Variants in PRIM2 observed in about 807,000 individuals in gnomAD.
PRIM2 encodes the protein DNA primase large subunit.
Under a neutral mutation model 67.3 loss-of-function variants are expected in PRIM2, and 39 were observed. That is an observed-to-expected ratio of 0.58 (90% CI 0.45 to 0.76). The LOEUF (loss-of-function observed/expected upper bound fraction) is 0.76, where lower values mean the gene tolerates loss of function less well. Among genes scored for constraint, PRIM2 ranks in the 30% least tolerant of loss-of-function variants. The probability of loss-of-function intolerance (pLI) is 0.00; values close to 1 mark genes in which losing one functional copy is unlikely to be tolerated. For synonymous variants in PRIM2, 143 were observed against 198.7 expected, an observed-to-expected ratio of 0.72 and a Z score of 2.36; for missense variants, 398 against 598.7, an observed-to-expected ratio of 0.66 and a Z score of 3.50.
chr6:57,235,427 G>A, the PRIM2 span, among the ~76,000 whole-genome samples: 1 of 151,118 alleles, frequency 6.6e-6, no homozygotes, highest in South Asian at 2.1e-4. Flanking sequence ...TCGCGCCACT[G>A]CGCTCCAGCC....
At chr6:57,392,769 G>T (rs1004723476) in intron 7 of PRIM2, among the ~76,000 whole-genome samples, 2 of 151,814 alleles carry the variant, frequency 1.3e-5, no homozygotes, top group African/African-American at 4.8e-5. Context: ...GATTTTTGGT[G>T]TACCCATCAC....
At chr6:57,222,896 C>G in the PRIM2 span, among the ~76,000 whole-genome samples, 1 of 152,210 alleles carries the variant, frequency 6.6e-6, no homozygotes, top group Non-Finnish European at 1.5e-5. Flanking sequence ...CAGTTTGGGA[C>G]TGTCTGCAAA....
At chr6:57,548,165 A>G (rs1347170919) in intron 10 of PRIM2, among the ~76,000 whole-genome samples, 1 of 152,158 alleles carries the variant, frequency 6.6e-6, no homozygotes, top group East Asian at 1.9e-4. Flanking sequence ...AGAGAAATTT[A>G]TTTCTTCTAG....
At chr6:57,289,993 TA>T in the PRIM2 span, among the ~76,000 whole-genome samples, 1 of 152,128 alleles carries the variant, frequency 6.6e-6, no homozygotes, top group Non-Finnish European at 1.5e-5. Flanking sequence ...ATGTCCCAGT[TA>T]AAAGACACAG....
At chr6:57,574,095 C>T (rs1374679938) in intron 10 of PRIM2, among the ~76,000 whole-genome samples, 3 of 152,000 alleles carry the variant, frequency 2.0e-5, no homozygotes, top group South Asian at 4.2e-4. Context: ...CACCAGCCTC[C>T]GATTGGCCAT....
intron 7 of PRIM2, among the ~76,000 whole-genome samples, chr6:57,486,898 A>G (rs1773766342): frequency 6.6e-6 from 1 of 152,186 alleles, no homozygotes; most frequent in African/African-American, 2.4e-5. Flanking sequence ...TTTTCCCCTT[A>G]CATAGAGTGT....
chr6:57,507,357 G>C, intron 7 of PRIM2, 30 bp from the exon 8 acceptor site: 2 of 1,459,006 alleles, frequency 1.4e-6, no homozygotes, highest in South Asian at 1.3e-5. Context: ...GGCCTTTGCT[G>C]TTTTTACTAA....
intron 5 of PRIM2, among the ~76,000 whole-genome samples, chr6:57,358,602 A>G (rs1420100481): frequency 6.6e-6 from 1 of 152,206 alleles, no homozygotes; most frequent in Non-Finnish European, 1.5e-5. Flanking sequence ...ACAGTTATTC[A>G]ATGTAATTGA....
chr6:57,355,532 C>T (rs1311179860), intron 5 of PRIM2, among the ~76,000 whole-genome samples: 1 of 152,166 alleles, frequency 6.6e-6, no homozygotes, highest in Non-Finnish European at 1.5e-5. Context: ...CCTTTGTATT[C>T]TCCCTGGCTT....
intron 7 of PRIM2, among the ~76,000 whole-genome samples, chr6:57,491,578 C>G (rs1554345966): frequency 2.0e-5 from 3 of 152,050 alleles, no homozygotes; most frequent in African/African-American, 7.2e-5. Flanking sequence ...TTTTTAGAAA[C>G]GTGCTTTTAC....
chr6:57,333,669 C>G (rs1201752844), intron 5 of PRIM2, among the ~76,000 whole-genome samples: 1 of 151,912 alleles, frequency 6.6e-6, no homozygotes, highest in Non-Finnish European at 1.5e-5. Context: ...TCTTTTCGGT[C>G]CTGACATTCA....
At chr6:57,359,305 C>T (rs1769123945) in intron 5 of PRIM2, among the ~76,000 whole-genome samples, 1 of 152,198 alleles carries the variant, frequency 6.6e-6, no homozygotes, top group African/African-American at 2.4e-5. Flanking sequence ...TGAAACCTGG[C>T]AGTAACTAGT....
At chr6:57,620,965 A>C (rs1776842035) in intron 12 of PRIM2, among the ~76,000 whole-genome samples, 1 of 152,262 alleles carries the variant, frequency 6.6e-6, no homozygotes, top group African/African-American at 2.4e-5. Flanking sequence ...TTAAAGCAAC[A>C]GCATTACAGG....
intron 5 of PRIM2, among the ~76,000 whole-genome samples, chr6:57,371,670 T>G (rs1372830575): frequency 6.6e-6 from 1 of 152,230 alleles, no homozygotes; most frequent in Non-Finnish European, 1.5e-5. Context: ...TGGGAAAATT[T>G]GAAATATATT....
the PRIM2 span, among the ~76,000 whole-genome samples, chr6:57,281,265 G>C: frequency 6.6e-6 from 1 of 152,152 alleles, no homozygotes; most frequent in African/African-American, 2.4e-5. Flanking sequence ...AAACATAGGA[G>C]TGCAGATATC....
chr6:57,314,393 G>A (rs996868517), upstream of PRIM2, among the ~76,000 whole-genome samples: 2 of 152,224 alleles, frequency 1.3e-5, no homozygotes, highest in African/African-American at 4.8e-5. Context: ...GCAGGCGCCT[G>A]TAATCCCAGC....
chr6:57,343,537 G>A (rs980285027), intron 5 of PRIM2, among the ~76,000 whole-genome samples: 3 of 152,198 alleles, frequency 2.0e-5, no homozygotes, highest in African/African-American at 7.2e-5. Flanking sequence ...AGGACACACA[G>A]ATGTAACAGT....
At chr6:57,489,132 A>G (rs1773820256) in intron 7 of PRIM2, among the ~76,000 whole-genome samples, 1 of 152,258 alleles carries the variant, frequency 6.6e-6, no homozygotes, top group Non-Finnish European at 1.5e-5. Context: ...CTGTAACTGA[A>G]ACATCTCATG....
At chr6:57,593,114 A>G (rs1285437409) in intron 10 of PRIM2, among the ~76,000 whole-genome samples, 4 of 152,108 alleles carry the variant, frequency 2.6e-5, no homozygotes, top group African/African-American at 7.2e-5. Flanking sequence ...TGCTGTCTTT[A>G]ATAGAAATGC....
Sources: allele counts gnomAD v4.1 joint callset (sites outside exome capture counted in the v4.1 genomes callset), GRCh38; gene constraint gnomAD v4.1.1; transcripts MANE v1.5; gene names NCBI Gene and HGNC (gene_info 2026-07-23, HGNC 2026-07-21).